Variants in SORCS1 observed in about 807,000 individuals in gnomAD.
The protein encoded by SORCS1 is sortilin related VPS10 domain containing receptor 1, also known as VPS10 domain-containing receptor SorCS1.
A neutral mutation model predicts 146.1 loss-of-function variants in SORCS1; 60 were observed. The ratio of observed to expected loss-of-function variants is 0.41; its 90% CI spans 0.33 to 0.51. The LOEUF (loss-of-function observed/expected upper bound fraction) is 0.51, where lower values mean the gene tolerates loss of function less well. Ranked by LOEUF, SORCS1 falls within the 20% of genes least tolerant of loss-of-function variation. The pLI is 0.21. For synonymous variants in SORCS1, 637 were observed against 584.0 expected (o/e 1.09, Z -1.31); for missense variants, 1,352 against 1,487.6 (o/e 0.91, Z 1.50).
At chr10:106,825,303 G>A (rs1027972524) in intron 3 of SORCS1, among the ~76,000 whole-genome samples, 1 of 131,430 alleles carries the variant, frequency 7.6e-6, no homozygotes, top group Admixed American at 9.0e-5. Context: ...ACTGAGTCTC[G>A]CTCTGTCACC....
At chr10:106,934,198 G>A (rs1418029773) in intron 2 of SORCS1, among the ~76,000 whole-genome samples, 1 of 151,938 alleles carries the variant, frequency 6.6e-6, no homozygotes, top group Non-Finnish European at 1.5e-5. Flanking sequence ...CACTGCTTAT[G>A]GGAATGTAAA....
At chr10:106,670,985 T>C (rs1211520961) in intron 16 of SORCS1, among the ~76,000 whole-genome samples, 4 of 152,176 alleles carry the variant, frequency 2.6e-5, no homozygotes, top group Non-Finnish European at 5.9e-5. Flanking sequence ...TGAGCCACCA[T>C]GCCCGGCCAA....
chr10:106,794,052 T>C (rs1287736505), intron 3 of SORCS1, among the ~76,000 whole-genome samples: 2 of 152,166 alleles, frequency 1.3e-5, no homozygotes, highest in Non-Finnish European at 2.9e-5. Context: ...CATAGTGAAA[T>C]GCAAACATTA....
intron 18 of SORCS1, among the ~76,000 whole-genome samples, chr10:106,636,061 T>C (rs1848704898): frequency 3.3e-5 from 5 of 152,172 alleles, no homozygotes; most frequent in African/African-American, 7.2e-5. Flanking sequence ...GTGTAGTAAA[T>C]GCATGGCATG....
At chr10:107,006,885 C>T (rs1957468070) in intron 1 of SORCS1, among the ~76,000 whole-genome samples, 1 of 151,450 alleles carries the variant, frequency 6.6e-6, no homozygotes, top group East Asian at 1.9e-4. Flanking sequence ...TATTCTCATT[C>T]CTTTTAAATT....
intron 1 of SORCS1, among the ~76,000 whole-genome samples, chr10:107,029,948 T>C (rs890961576): frequency 2.0e-5 from 3 of 152,192 alleles, no homozygotes; most frequent in Non-Finnish European, 4.4e-5. Context: ...AAAGAGTTGA[T>C]GGCAGATGCG....
chr10:106,809,959 G>A (rs941846590), intron 3 of SORCS1, among the ~76,000 whole-genome samples: 4 of 152,142 alleles, frequency 2.6e-5, no homozygotes, highest in African/African-American at 7.2e-5. Flanking sequence ...AGTGGCCCAC[G>A]CCTGTAATCC....
intron 17 of SORCS1, among the ~76,000 whole-genome samples, chr10:106,653,449 G>A (rs184109942): frequency 6.6e-6 from 1 of 152,252 alleles, no homozygotes; most frequent in African/African-American, 2.4e-5. Flanking sequence ...CTAGACCAGA[G>A]GTCAGCAAAC....
At chr10:106,718,928 C>T (rs1387273683) in intron 6 of SORCS1, among the ~76,000 whole-genome samples, 1 of 152,056 alleles carries the variant, frequency 6.6e-6, no homozygotes, top group East Asian at 1.9e-4. Flanking sequence ...CTGATGGGTG[C>T]GTTTTTACAG....
At chr10:106,786,070 T>C (rs188519192) in intron 3 of SORCS1, among the ~76,000 whole-genome samples, 51 of 152,342 alleles carry the variant, frequency 3.3e-4, no homozygotes, top group Non-Finnish European at 5.3e-4. Flanking sequence ...ATTTTTTTCA[T>C]GACTGCATAT....
chr10:106,594,391 G>C (rs1420264993), intron 24 of SORCS1, among the ~76,000 whole-genome samples: 2 of 152,130 alleles, frequency 1.3e-5, no homozygotes, highest in East Asian at 3.8e-4. Context: ...TAAGCATAGT[G>C]ATCAGATCTG....
At chr10:106,656,385 C>T (rs1479979125) in intron 17 of SORCS1, among the ~76,000 whole-genome samples, 2 of 152,056 alleles carry the variant, frequency 1.3e-5, no homozygotes, top group African/African-American at 4.8e-5. Flanking sequence ...CTTGTCTCTA[C>T]TAAAAATACA....
In SORCS1 at chr10:106,776,771, T is replaced by C. The variant is rs12247152; in HGVS notation, c.727-79A>G. 0.032 allele frequency: 49,259 copies of C among 1,516,642 alleles called. 1,271 individuals are homozygous for C. The highest frequency in any genetic ancestry group is 0.11 in the East Asian group (4,540 of 43,162). 93.9% of individuals were successfully genotyped at this position (1,516,642 alleles called of 1,614,324 possible). A position where few individuals can be genotyped will look rare whatever the true frequency, so the allele number is the denominator to read the frequency against. ...TTGCAAAACTTGAAAATTAGCTAAT[T>C]TTTGACAAGGGAAGGACAGGGGCAG... On this transcript the variant is annotated intron_variant, in intron 3 of 25. Transcript: ENST00000263054.
intron 2 of SORCS1, among the ~76,000 whole-genome samples, chr10:106,954,192 G>C (rs763071387): frequency 2.5e-4 from 38 of 152,172 alleles, no homozygotes; most frequent in Non-Finnish European, 2.9e-5. Context: ...GACTGCGTAA[G>C]CCTCTGTCCC....
chr10:107,075,440 A>T (rs569062531), intron 1 of SORCS1, among the ~76,000 whole-genome samples: 27 of 152,248 alleles, frequency 1.8e-4, no homozygotes, highest in Admixed American at 8.5e-4. Flanking sequence ...TGACATCAAC[A>T]CTTTCATTGG....
intron 23 of SORCS1, chr10:106,600,142 C>A (rs981182499): frequency 9.2e-6 from 2 of 217,356 alleles, no homozygotes; most frequent in East Asian, 3.7e-4. Context: ...TGAGATATAC[C>A]AATAGCTAAA....
intron 3 of SORCS1, among the ~76,000 whole-genome samples, chr10:106,808,876 C>G (rs1261243064): frequency 6.6e-6 from 1 of 152,180 alleles, no homozygotes; most frequent in Non-Finnish European, 1.5e-5. Flanking sequence ...CCACTACTTT[C>G]ATCCCATTTA....
At chr10:106,737,729 G>A (rs564993479) in intron 5 of SORCS1, among the ~76,000 whole-genome samples, 38 of 149,808 alleles carry the variant, frequency 2.5e-4, no homozygotes, top group Non-Finnish European at 4.5e-4. Context: ...ATAAAAGTAT[G>A]TGGGGGGTCT....
chr10:106,831,857 G>T (rs1167203567), intron 2 of SORCS1, among the ~76,000 whole-genome samples: 1 of 152,102 alleles, frequency 6.6e-6, no homozygotes, highest in Non-Finnish European at 1.5e-5. Flanking sequence ...CTTGAAAATG[G>T]GTAAGTTTAG....
Sources: gnomAD v4.1 joint callset for allele counts (sites outside exome capture counted in the v4.1 genomes callset) on GRCh38, gnomAD v4.1.1 for gene constraint, MANE v1.5 for transcripts, NCBI Gene and HGNC (gene_info 2026-07-23, HGNC 2026-07-21) for gene names.